The following RABGEF1 variants were observed in gnomAD, a reference collection of about 807,000 sequenced individuals.
RABGEF1 encodes the protein RAB guanine nucleotide exchange factor 1.
Under a neutral mutation model 57.3 loss-of-function variants are expected in RABGEF1, and 26 were observed. The observed-to-expected ratio is 0.45, with a 90% CI of 0.33 to 0.63. The LOEUF (loss-of-function observed/expected upper bound fraction) is 0.63, where lower values mean the gene tolerates loss of function less well. Ranked by LOEUF, RABGEF1 falls within the 20% of genes least tolerant of loss-of-function variation. The pLI, the probability that RABGEF1 is intolerant of heterozygous loss-of-function variation, is 0.02. For synonymous variants in RABGEF1, 185 were observed against 210.7 expected (o/e 0.88, Z 1.06); for missense variants, 464 against 607.6 (o/e 0.76, Z 2.48).
At chr7:66,739,464 G>A (rs1482737985), upstream of RABGEF1, among the ~76,000 whole-genome samples, 3 of 150,524 alleles carry the variant, frequency 2.0e-5, no homozygotes, top group Non-Finnish European at 4.4e-5. Context: ...AACCAGCCTG[G>A]CCAACATGGT....
At chr7:66,663,103 G>T in the RABGEF1 span, among the ~76,000 whole-genome samples, 4 of 152,344 alleles carry the variant, frequency 2.6e-5, no homozygotes, top group East Asian at 7.7e-4. Context: ...TAACATGAGC[G>T]CTCTGTGTCT....
chr7:66,722,079 C>A (rs1165281426), intron 2 of RABGEF1, among the ~76,000 whole-genome samples: 3 of 152,096 alleles, frequency 2.0e-5, no homozygotes, highest in Non-Finnish European at 4.4e-5. Context: ...ATCACTTGAG[C>A]CCAGGAGTTC....
the RABGEF1 span, among the ~76,000 whole-genome samples, chr7:66,670,433 ATTTTTTTTTTTTTT>A: frequency 1.4e-4 from 16 of 116,060 alleles, no homozygotes; most frequent in South Asian, 3.2e-4. Context: ...GAATGAGATG[ATTTTTTTTTTTTTT>A]TTTTTTTTTT....
intron 1 of RABGEF1, among the ~76,000 whole-genome samples, chr7:66,700,564 A>C (rs2117246250): frequency 6.6e-6 from 1 of 151,900 alleles, no homozygotes; most frequent in Admixed American, 6.6e-5. Flanking sequence ...ATTAGCTGGG[A>C]CAGTGAGGAG....
At chr7:66,798,825 G>A (rs1025759886) in intron 6 of RABGEF1, among the ~76,000 whole-genome samples, 1 of 152,226 alleles carries the variant, frequency 6.6e-6, no homozygotes, top group Non-Finnish European at 1.5e-5. Flanking sequence ...AGCTGGGCAT[G>A]GAGGTGGGCG....
rs541708321 is a variant in RABGEF1, at chr7:66,735,596, T to TC, written c.-814-4400_-814-4399insC. 4.5e-4 allele frequency among the ~76,000 whole-genome samples: 69 copies of TC among 151,916 alleles called. 1 individual carries two copies. The highest frequency in any genetic ancestry group is 3.9e-4 in the Admixed American group (6 of 15,216). On this transcript the variant is annotated intron_variant and NMD_transcript_variant, in intron 2 of 9. Transcript: ENST00000607882. Reference sequence around the variant, plus strand: ...CTGGTGAGAGGTGACAGGATCATTGTGGGGGGGGTTTCCCCTTTGGTGCTG... The same window carrying TC: ...CTGGTGAGAGGTGACAGGATCATTGTCGGGGGGGGTTTCCCCTTTGGTGCTG...
intron 6 of RABGEF1, among the ~76,000 whole-genome samples, chr7:66,798,996 G>A (rs1424459292): frequency 2.6e-5 from 4 of 152,162 alleles, no homozygotes; most frequent in East Asian, 1.9e-4. Flanking sequence ...GGACATTAAC[G>A]CAGTAGGCAG....
At chr7:66,769,810 A>G (rs1018614595) in intron 1 of RABGEF1, among the ~76,000 whole-genome samples, 1 of 152,224 alleles carries the variant, frequency 6.6e-6, no homozygotes, top group Non-Finnish European at 1.5e-5. Context: ...AAAAGCCATC[A>G]TGATTTGACT....
chr7:66,806,434 T>C (rs1454664142), intron 8 of RABGEF1, among the ~76,000 whole-genome samples: 2 of 152,130 alleles, frequency 1.3e-5, no homozygotes, highest in Non-Finnish European at 2.9e-5. Context: ...CCCTCCAGCA[T>C]TGTGTTCAGC....
chr7:66,671,351 C>T, the RABGEF1 span, among the ~76,000 whole-genome samples: 43 of 151,948 alleles, frequency 2.8e-4, no homozygotes, highest in Non-Finnish European at 4.6e-4. Flanking sequence ...GGCTATCCTA[C>T]GCAATATGAG....
At chr7:66,754,947 G>A (rs117911730) in intron 1 of RABGEF1, among the ~76,000 whole-genome samples, 2,239 of 152,178 alleles carry the variant, frequency 0.015, 62 homozygotes, top group East Asian at 0.094. Flanking sequence ...GCAAACCATG[G>A]GAGGATTGCT....
At chr7:66,758,303 C>T (rs1010017660) in intron 1 of RABGEF1, among the ~76,000 whole-genome samples, 3 of 152,172 alleles carry the variant, frequency 2.0e-5, no homozygotes, top group African/African-American at 7.2e-5. Flanking sequence ...AGCTTTGTAC[C>T]TCTCTGTCCT....
chr7:66,757,545 G>C (rs1463768289), intron 1 of RABGEF1, among the ~76,000 whole-genome samples: 1 of 152,174 alleles, frequency 6.6e-6, no homozygotes, highest in Non-Finnish European at 1.5e-5. Context: ...ATAAATATTT[G>C]AATGAATGCA....
At chr7:66,680,435 G>A (rs1789621310), upstream of RABGEF1, among the ~76,000 whole-genome samples, 1 of 151,770 alleles carries the variant, frequency 6.6e-6, no homozygotes, top group African/African-American at 2.4e-5. Context: ...GTAGAGACAG[G>A]GTTTCTCTCT....
chr7:66,700,738 T>C (rs1213620395), intron 1 of RABGEF1, among the ~76,000 whole-genome samples: 1 of 152,230 alleles, frequency 6.6e-6, no homozygotes, highest in African/African-American at 2.4e-5. Flanking sequence ...TGCCTGGGGC[T>C]GACCACTCTG....
At chr7:66,730,983 G>A (rs1797249614) in intron 2 of RABGEF1, among the ~76,000 whole-genome samples, 1 of 152,154 alleles carries the variant, frequency 6.6e-6, no homozygotes, top group South Asian at 2.1e-4. Flanking sequence ...AGGTCATCTA[G>A]TCTGAAATGA....
intron 1 of RABGEF1, among the ~76,000 whole-genome samples, chr7:66,711,201 A>G (rs1379844077): frequency 2.0e-5 from 3 of 152,184 alleles, no homozygotes; most frequent in Non-Finnish European, 2.9e-5. Flanking sequence ...TTTCATTTTA[A>G]TAGTAATCTT....
intron 1 of RABGEF1, among the ~76,000 whole-genome samples, chr7:66,743,759 C>T (rs1799548606): frequency 6.6e-6 from 1 of 152,124 alleles, no homozygotes; most frequent in Non-Finnish European, 1.5e-5. Context: ...CCTCGGCATT[C>T]CAAAGTGCTG....
At chr7:66,675,563 A>G in the RABGEF1 span, among the ~76,000 whole-genome samples, 3 of 152,206 alleles carry the variant, frequency 2.0e-5, no homozygotes, top group Non-Finnish European at 2.9e-5. Context: ...ATTTTATTCA[A>G]CATAGCATTG....
Sources: gnomAD v4.1 joint callset for allele counts (sites outside exome capture counted in the v4.1 genomes callset) on GRCh38, gnomAD v4.1.1 for gene constraint, MANE v1.5 for transcripts, NCBI Gene and HGNC (gene_info 2026-07-23, HGNC 2026-07-21) for gene names.